Variants in PLN observed in about 807,000 individuals in gnomAD.
The protein encoded by PLN is phospholamban, also known as cardiac phospholamban.
In PLN, 1 loss-of-function variant was observed where a neutral mutation model predicts 3.9. The observed-to-expected ratio is 0.26, with a 90% CI of 0.09 to 1.23. PLN has a LOEUF of 1.23. PLN is among the 50% of genes most tolerant of loss of function. The pLI is 0.48. For synonymous variants in PLN, 21 were observed against 20.5 expected, an observed-to-expected ratio of 1.02 and a Z score of -0.07; for missense variants, 59 against 62.7, an observed-to-expected ratio of 0.94 and a Z score of 0.20.
At chr6:118,549,572 G>C (rs530363203) in intron 1 of PLN, among the ~76,000 whole-genome samples, 3 of 151,742 alleles carry the variant, frequency 2.0e-5, no homozygotes, top group Admixed American at 2.0e-4. Context: ...TTGTAACTCT[G>C]TAAGCAGCTT....
intron 1 of PLN, among the ~76,000 whole-genome samples, chr6:118,552,663 T>C (rs1048434923): frequency 6.6e-6 from 1 of 152,058 alleles, no homozygotes; most frequent in African/African-American, 2.4e-5. Flanking sequence ...GAACTTGATT[T>C]TTTTTTTAAT....
intron 1 of PLN, among the ~76,000 whole-genome samples, chr6:118,549,532 TAATTC>T (rs1778413124): frequency 6.6e-6 from 1 of 151,864 alleles, no homozygotes; most frequent in Non-Finnish European, 1.5e-5. Context: ...TGACAAATGT[TAATTC>T]TATTGCTCAC....
In PLN at chr6:118,556,231, T is replaced by C. The variant is rs2114955310; in HGVS notation, c.-97-2594T>C. On this transcript the variant is annotated intron_variant, in intron 1 of 1. Coordinates refer to ENST00000357525, the MANE Select transcript of PLN (RefSeq NM_002667.5). ...TAAGCTGCTATTTTCTAAGTAGAAG[T>C]GTTATAGACAACCTAAATAACAGCC... is the stretch of plus-strand genomic sequence containing the variant. Among the ~76,000 whole-genome samples the C allele has an allele frequency of 1.3e-5, 2 of 152,320 alleles. 1 individual carries two copies. The highest frequency in any genetic ancestry group is 4.1e-4 in the South Asian group (2 of 4,828).
At position 118,551,271 on chromosome 6, in the gene PLN, G is replaced by T. The variant is rs145085098; in HGVS notation, c.-98+2879G>T. Reference sequence around the variant, plus strand: ...GTACAGCATACTCATAGTCAACTGAGGACCTCTAGTGCCTTTGAAAAGGTA... The same window carrying T: ...GTACAGCATACTCATAGTCAACTGATGACCTCTAGTGCCTTTGAAAAGGTA... On this transcript the variant is annotated intron_variant, in intron 1 of 1. Transcript: ENST00000357525. Among the ~76,000 whole-genome samples the T allele has an allele frequency of 3.3e-3, 496 of 151,840 alleles. 3 individuals are homozygous for T. The highest frequency in any genetic ancestry group is 0.012 in the African/African-American group (483 of 41,476).
intron 1 of PLN, among the ~76,000 whole-genome samples, chr6:118,556,620 G>A (rs771925584): frequency 1.4e-4 from 22 of 152,142 alleles, no homozygotes; most frequent in Non-Finnish European, 3.1e-4. Flanking sequence ...CTAACAGGTT[G>A]AGATGGGCTT....
At chr6:118,550,957 G>T (rs781701870) in intron 1 of PLN, among the ~76,000 whole-genome samples, 6 of 151,394 alleles carry the variant, frequency 4.0e-5, no homozygotes, top group Non-Finnish European at 7.4e-5. Context: ...AATACCTCCT[G>T]GAAGGCAAAA....
In PLN at chr6:118,555,409, C is replaced by G. The variant is rs1218353476; in HGVS notation, c.-97-3416C>G. Reference sequence around the variant, plus strand: ...TGCCACTGCACTCCAGCCTGGGCAACACAGCAAGACTGTCTCAAAAAAAAA... The same window carrying G: ...TGCCACTGCACTCCAGCCTGGGCAAGACAGCAAGACTGTCTCAAAAAAAAA... On this transcript the variant is annotated intron_variant, in intron 1 of 1. Transcript: ENST00000357525. Among the ~76,000 whole-genome samples, 25 of 127,750 alleles carry G rather than the reference C, an allele frequency of 2.0e-4. No individual in the cohort carries two copies. The Admixed American group carries it at 2.0e-3, about 10-fold the overall frequency. 83.8% of individuals were successfully genotyped at this position (127,750 alleles called of 152,430 possible).
chr6:118,553,169 T>C (rs1778649217), intron 1 of PLN, among the ~76,000 whole-genome samples: 1 of 151,388 alleles, frequency 6.6e-6, no homozygotes, highest in South Asian at 2.1e-4. Context: ...TTTGTATGCT[T>C]TCCATCGAAA....
rs901600550 is a variant in PLN at position 118,558,432 on chromosome 6, ATATGTTG to A, written c.-97-391_-97-385del. On this transcript the variant is annotated intron_variant, in intron 1 of 1. Transcript: ENST00000357525. ...AGCCTAGGGTAAAAATGGTTTTGTTATATGTTGTTTTGCGTAAAGTCATGGTTTCCAG... is the reference window on the plus strand; with the variant it reads ...AGCCTAGGGTAAAAATGGTTTTGTTATTTTGCGTAAAGTCATGGTTTCCAG... Among the ~76,000 whole-genome samples, 150 of 152,212 alleles carry A rather than the reference ATATGTTG, an allele frequency of 9.9e-4. 1 individual carries two copies. The highest frequency in any genetic ancestry group is 3.5e-3 in the African/African-American group (144 of 41,534).
Position 118,559,043 on chromosome 6 carries a change from GTC to G in PLN, c.126_127del (p.Leu43AlafsTer17), listed in dbSNP as rs1779074612. 6.2e-7 allele frequency: 1 copy of G among 1,611,174 alleles called. No individual in the cohort carries two copies. The highest frequency in any genetic ancestry group is 1.3e-5 in the African/African-American group (1 of 74,872). ...ATCAATTTCTGTCTCATCTTAATAT[GTC>G]TCTTGCTGATCTGTATCATCGTGAT... On this transcript the variant is annotated frameshift_variant, in exon 2 of 2. Transcript: ENST00000357525. LOFTEE classifies it high-confidence loss of function.
At position 118,561,250 on chromosome 6, in the gene PLN, T is replaced by C. The variant is rs1779206762; in HGVS notation, c.*2170T>C. On this transcript the variant is annotated 3_prime_UTR_variant, in exon 2 of 2. Coordinates refer to ENST00000357525, the MANE Select transcript of PLN (RefSeq NM_002667.5). ...GATACACTCACCTCACTGGTTTTAG[T>C]AAATTACCAATACAGAAAGTATCCC... Among the ~76,000 whole-genome samples the C allele has an allele frequency of 6.6e-6, 1 of 152,218 alleles. No homozygotes were observed. Among genetic ancestry groups the C allele is most frequent in the Non-Finnish European group, 1.5e-5 (1 of 68,022 alleles).
chr6:118,554,248 C>T (rs954701183), intron 1 of PLN, among the ~76,000 whole-genome samples: 1 of 152,120 alleles, frequency 6.6e-6, no homozygotes. Context: ...GATTGCACAA[C>T]TGCACTCCAG....
At position 118,559,942 on chromosome 6, in the gene PLN, A is replaced by C. The variant is rs1779125705; in HGVS notation, c.*862A>C. 3 of 167,206 alleles carry C rather than the reference A, an allele frequency of 1.8e-5. No individual in the cohort carries two copies. In the South Asian group the frequency reaches 6.2e-4, roughly 35 times the overall value. 10.4% of individuals were successfully genotyped at this position (167,206 alleles called of 1,614,324 possible). On this transcript the variant is annotated 3_prime_UTR_variant, in exon 2 of 2. Coordinates refer to ENST00000357525, the MANE Select transcript of PLN (RefSeq NM_002667.5). ...TATCTGAGCTAGAGTTACCTAGCTT[A>C]CCATACTATATCTTTGGAATCATGA...
At chr6:118,554,505 T>C (rs1285248559) in intron 1 of PLN, among the ~76,000 whole-genome samples, 1 of 152,172 alleles carries the variant, frequency 6.6e-6, no homozygotes, top group Non-Finnish European at 1.5e-5. Flanking sequence ...AATCCCTTAT[T>C]TAACTTTAGT....
intron 1 of PLN, among the ~76,000 whole-genome samples, chr6:118,548,729 T>C (rs1778355835): frequency 6.6e-6 from 1 of 152,048 alleles, no homozygotes; most frequent in Admixed American, 6.6e-5. Context: ...TATTTGGTAG[T>C]AGTGGTTAAT....
intron 1 of PLN, among the ~76,000 whole-genome samples, chr6:118,558,351 G>C (rs1251550706): frequency 6.6e-6 from 1 of 152,088 alleles, no homozygotes; most frequent in South Asian, 2.1e-4. Flanking sequence ...GAAGTTTGGT[G>C]ATGTTTTTGT....
intron 1 of PLN, among the ~76,000 whole-genome samples, chr6:118,549,827 T>TAC (rs1778435385): frequency 6.6e-6 from 1 of 151,896 alleles, no homozygotes; most frequent in Non-Finnish European, 1.5e-5. Flanking sequence ...CTCTAAAAAG[T>TAC]ACACATACTT....
At chr6:118,552,595 C>T (rs557056274) in intron 1 of PLN, among the ~76,000 whole-genome samples, 13 of 151,402 alleles carry the variant, frequency 8.6e-5, no homozygotes, top group African/African-American at 3.2e-4. Context: ...ATTAGAGTTG[C>T]CTAATGGCTT....
intron 1 of PLN, 75 bp from the exon 2 acceptor site, chr6:118,558,750 T>C: frequency 1.5e-6 from 1 of 654,052 alleles, no homozygotes; most frequent in Non-Finnish European, 2.7e-6. Context: ...GATGAATTAG[T>C]GTAAAATTGT....
Sources: allele counts gnomAD v4.1 joint callset (sites outside exome capture counted in the v4.1 genomes callset), GRCh38; gene constraint gnomAD v4.1.1; transcripts MANE v1.5; gene names NCBI Gene and HGNC (gene_info 2026-07-23, HGNC 2026-07-21).